The following UTS2B variants were observed in gnomAD, a reference collection of about 807,000 sequenced individuals.
The protein encoded by UTS2B is urotensin-2B.
Under a neutral mutation model 19.2 loss-of-function variants are expected in UTS2B, and 21 were observed. The observed-to-expected ratio is 1.09, with a 90% CI of 0.78 to 1.58. UTS2B has a LOEUF of 1.58. Ranked by LOEUF, UTS2B falls within the 40% of genes most tolerant of loss-of-function variation. The probability of loss-of-function intolerance (pLI) is 0.00; values close to 1 mark genes in which losing one functional copy is unlikely to be tolerated. For synonymous variants in UTS2B, 57 were observed against 50.2 expected (o/e 1.14, Z -0.58); for missense variants, 138 against 130.3 (o/e 1.06, Z -0.29).
At chr3:191,340,992 A>T in the UTS2B span, among the ~76,000 whole-genome samples, 5 of 145,932 alleles carry the variant, frequency 3.4e-5, no homozygotes, top group African/African-American at 1.3e-4. Flanking sequence ...CAGCTAATTA[A>T]TTTTTTTTTT....
chr3:191,321,759 G>A (rs551094474), intron 2 of UTS2B, among the ~76,000 whole-genome samples: 3 of 152,214 alleles, frequency 2.0e-5, no homozygotes. Context: ...AGGTGCGGTG[G>A]CTCATGCCTG....
In UTS2B at chr3:191,276,793, T is replaced by C. The variant is rs765407256; in HGVS notation, c.240+14A>G. Reference sequence around the variant, plus strand: ...GTTATTAAAACTGCTCATTTAAGTATTTCACATTCTCACCTGGTTAAGTTC... The same window carrying C: ...GTTATTAAAACTGCTCATTTAAGTACTTCACATTCTCACCTGGTTAAGTTC... On this transcript the variant is annotated intron_variant, in intron 7 of 8. Coordinates refer to ENST00000340524, the MANE Select transcript of UTS2B (RefSeq NM_198152.5). The C allele has an allele frequency of 6.2e-6, 10 of 1,608,850 alleles. No individual in the cohort carries two copies. In the African/African-American group the frequency reaches 1.3e-4, roughly 22 times the overall value.
chr3:191,303,041 T>C (rs1717045061), intron 4 of UTS2B, among the ~76,000 whole-genome samples: 1 of 152,206 alleles, frequency 6.6e-6, no homozygotes, highest in Admixed American at 6.5e-5. Context: ...CTACCTATTC[T>C]TCTGTGGACT....
rs886127140 is a variant in UTS2B at position 191,275,428 on chromosome 3, C to G, written c.241-83G>C. On this transcript the variant is annotated intron_variant, in intron 7 of 8. Transcript: ENST00000340524. ...GGGCGCGGTGGCTTATGCCTGTAAT[C>G]CCAGCACTTCGGGAGGCCGAGGCAG... 3.7e-6 allele frequency: 4 copies of G among 1,092,840 alleles called. No individual in the cohort carries two copies. The African/African-American group carries it at 6.2e-5, about 17-fold the overall frequency. The allele number at this position is 1,092,840 out of a possible 1,614,324, so 67.7% of individuals were successfully genotyped here. A position where few individuals can be genotyped will look rare whatever the true frequency, so the allele number is the denominator to read the frequency against.
intron 7 of UTS2B, among the ~76,000 whole-genome samples, chr3:191,275,792 A>G (rs1716221446): frequency 6.6e-6 from 1 of 152,122 alleles, no homozygotes; most frequent in Admixed American, 6.5e-5. Context: ...AGGAAGAGAG[A>G]AAAAGGGGGA....
Position 191,267,384 on chromosome 3 carries a change from C to G in UTS2B, c.*1032G>C, listed in dbSNP as rs1381817365. ...AAGCTTATCATAATTGACTTAGTAACAAGAACAAGGTGAAAAAATCATATG... is the reference window on the plus strand; with the variant it reads ...AAGCTTATCATAATTGACTTAGTAAGAAGAACAAGGTGAAAAAATCATATG... On this transcript the variant is annotated 3_prime_UTR_variant, in exon 9 of 9. Coordinates refer to ENST00000340524, the MANE Select transcript of UTS2B (RefSeq NM_198152.5). 2 of 152,144 alleles carry G rather than the reference C, an allele frequency of 1.3e-5. No individual in the cohort carries two copies. Among genetic ancestry groups the G allele is most frequent in the Non-Finnish European group, 2.9e-5 (2 of 68,016 alleles). The allele number at this position is 152,144 out of a possible 1,614,324, so 9.4% of individuals were successfully genotyped here.
chr3:191,283,271 T>A lies in UTS2B; in HGVS notation c.-124-958A>T, dbSNP rs60146690. Among the ~76,000 whole-genome samples, 328 of 152,342 alleles carry A rather than the reference T, an allele frequency of 2.2e-3. 2 individuals are homozygous for A. Among genetic ancestry groups the A allele is most frequent in the African/African-American group, 6.7e-3 (277 of 41,586 alleles). On this transcript the variant is annotated intron_variant, in intron 4 of 8. Transcript: ENST00000340524. ...TGTACCAGCCACATTAGACTACTAA[T>A]TCATGAATATATCCTGCACTTTCTG...
chr3:191,337,675 C>T, the UTS2B span, among the ~76,000 whole-genome samples: 9 of 152,048 alleles, frequency 5.9e-5, no homozygotes, highest in East Asian at 1.9e-4. Flanking sequence ...AATTACACTC[C>T]GGTAAATTTC....
chr3:191,306,831 C>T (rs534923118), intron 3 of UTS2B, among the ~76,000 whole-genome samples: 9 of 152,096 alleles, frequency 5.9e-5, no homozygotes, highest in Non-Finnish European at 1.0e-4. Flanking sequence ...AGAGTTTCAC[C>T]GTGTTGGCCA....
At chr3:191,269,248 T>C (rs185552653) in intron 8 of UTS2B, among the ~76,000 whole-genome samples, 1 of 152,288 alleles carries the variant, frequency 6.6e-6, no homozygotes, top group African/African-American at 2.4e-5. Context: ...AAACATATAA[T>C]CCCTCATTGA....
chr3:191,329,410 T>G, intron 1 of UTS2B: 74 of 388,490 alleles, frequency 1.9e-4, no homozygotes, highest in Middle Eastern at 7.0e-4. Flanking sequence ...GGGCTCCGGA[T>G]ATTTGGTATC....
At chr3:191,334,028 TTG>T (rs1253447206), upstream of UTS2B, among the ~76,000 whole-genome samples, 1 of 152,182 alleles carries the variant, frequency 6.6e-6, no homozygotes, top group Admixed American at 6.5e-5. Context: ...AAATGCTATT[TTG>T]TGTTTTTGAT....
Position 191,282,323 on chromosome 3 carries a change from G to A in UTS2B, c.-124-10C>T. ...CTCAGTTACGAATGATCTAGATGAAGGAAAAAGAAAGAAAGAAAATAAATC... is the reference window on the plus strand; with the variant it reads ...CTCAGTTACGAATGATCTAGATGAAAGAAAAAGAAAGAAAGAAAATAAATC... On this transcript the variant is annotated splice_polypyrimidine_tract_variant and intron_variant, in intron 4 of 8. Coordinates refer to ENST00000340524, the MANE Select transcript of UTS2B (RefSeq NM_198152.5). 3 of 591,158 alleles carry A rather than the reference G, an allele frequency of 5.1e-6. No individual in the cohort carries two copies. The highest frequency in any genetic ancestry group is 6.0e-6 in the Non-Finnish European group (2 of 333,150). 36.6% of individuals were successfully genotyped at this position (591,158 alleles called of 1,614,324 possible). A position where few individuals can be genotyped will look rare whatever the true frequency, so the allele number is the denominator to read the frequency against.
rs1328898495 is a variant in UTS2B at position 191,276,858 on chromosome 3, T to C, written c.203-14A>G. ...GTAAGGCTAGGTCTGCAAGACACAT[T>C]TGTCACATGAAAAAACGTACATTGC... On this transcript the variant is annotated splice_polypyrimidine_tract_variant and intron_variant, in intron 6 of 8. Coordinates refer to ENST00000340524, the MANE Select transcript of UTS2B (RefSeq NM_198152.5). 1 of 1,609,256 alleles carries C rather than the reference T, an allele frequency of 6.2e-7. No individual in the cohort carries two copies. Among genetic ancestry groups the C allele is most frequent in the Non-Finnish European group, 8.5e-7 (1 of 1,178,066 alleles).
At chr3:191,291,189 C>A (rs956481651) in intron 4 of UTS2B, among the ~76,000 whole-genome samples, 2 of 152,050 alleles carry the variant, frequency 1.3e-5, no homozygotes, top group African/African-American at 4.8e-5. Flanking sequence ...TGTAAGAGTT[C>A]ATTGTATTCT....
rs542045467 is a variant in UTS2B, at chr3:191,290,650, T to C, written c.-124-8337A>G. ...CCATTTTAAAGAAAACTTAGAAACATTTGAACTTTGTATTTTCAATAGCAA... is the reference window on the plus strand; with the variant it reads ...CCATTTTAAAGAAAACTTAGAAACACTTGAACTTTGTATTTTCAATAGCAA... On this transcript the variant is annotated intron_variant, in intron 4 of 8. Transcript: ENST00000340524. Among the ~76,000 whole-genome samples, 239 of 152,280 alleles carry C rather than the reference T, an allele frequency of 1.6e-3. 1 individual carries two copies. The highest frequency in any genetic ancestry group is 6.8e-3 in the South Asian group (33 of 4,826).
intron 3 of UTS2B, among the ~76,000 whole-genome samples, chr3:191,310,478 T>C (rs1365312239): frequency 1.3e-5 from 2 of 152,198 alleles, no homozygotes; most frequent in African/African-American, 2.4e-5. Flanking sequence ...AAATCCTATT[T>C]AGTGTGCAGA....
At chr3:191,282,694 T>G (rs1576917006) in intron 4 of UTS2B, among the ~76,000 whole-genome samples, 1 of 152,196 alleles carries the variant, frequency 6.6e-6, no homozygotes, top group African/African-American at 2.4e-5. Context: ...TAGGTGGTAG[T>G]CTTCCTGATA....
At chr3:191,292,645 C>A (rs1716750348) in intron 4 of UTS2B, among the ~76,000 whole-genome samples, 1 of 152,034 alleles carries the variant, frequency 6.6e-6, no homozygotes. Flanking sequence ...TCTTTTATTT[C>A]TTTTTCCTAC....
Sources: allele counts gnomAD v4.1 joint callset (sites outside exome capture counted in the v4.1 genomes callset), GRCh38; gene constraint gnomAD v4.1.1; transcripts MANE v1.5; gene names NCBI Gene and HGNC (gene_info 2026-07-23, HGNC 2026-07-21).